The following ADRA1A variants were observed in gnomAD, a reference collection of about 807,000 sequenced individuals.
ADRA1A encodes the protein alpha-1A adrenergic receptor.
In ADRA1A, 31 loss-of-function variants were observed where a neutral mutation model predicts 29.6. The ratio of observed to expected loss-of-function variants is 1.05; its 90% CI spans 0.79 to 1.41. The LOEUF is 1.41. Ranked by LOEUF, ADRA1A falls within the 40% of genes most tolerant of loss-of-function variation. The pLI, the probability that ADRA1A is intolerant of heterozygous loss-of-function variation, is 0.00. For synonymous variants in ADRA1A, 311 were observed against 254.3 expected (o/e 1.22, Z -2.12); for missense variants, 619 against 601.1 (o/e 1.03, Z -0.31).
chr8:26,754,651 G>C (rs1805071711), downstream of ADRA1A, among the ~76,000 whole-genome samples: 1 of 152,098 alleles, frequency 6.6e-6, no homozygotes. Flanking sequence ...GCCAGGAAAT[G>C]TCACCGGGTT....
chr8:26,753,134 G>A (rs4732853), downstream of ADRA1A, among the ~76,000 whole-genome samples: 14,696 of 152,226 alleles, frequency 0.097, 839 homozygotes, highest in East Asian at 0.24. Context: ...AGGCTTTCAG[G>A]TTCTGAGCCC....
At chr8:26,817,206 T>A (rs1809831710) in intron 2 of ADRA1A, among the ~76,000 whole-genome samples, 2 of 152,036 alleles carry the variant, frequency 1.3e-5, no homozygotes, top group African/African-American at 4.8e-5. Flanking sequence ...GACAATTCAA[T>A]AAAAATAGAA....
chr8:26,779,771 G>A (rs61760545), intron 2 of ADRA1A, among the ~76,000 whole-genome samples: 16 of 152,276 alleles, frequency 1.1e-4, no homozygotes, highest in East Asian at 1.9e-4. Flanking sequence ...TGCATGAAGC[G>A]GGAATGGAAT....
chr8:26,764,537 T>C (rs1330801830), downstream of ADRA1A, among the ~76,000 whole-genome samples: 2 of 152,126 alleles, frequency 1.3e-5, no homozygotes, highest in African/African-American at 4.8e-5. Context: ...AGAAACACAG[T>C]GGACCTGGGA....
chr8:26,830,769 G>T (rs956013252), intron 2 of ADRA1A, among the ~76,000 whole-genome samples: 3 of 152,192 alleles, frequency 2.0e-5, no homozygotes, highest in Admixed American at 2.0e-4. Flanking sequence ...AGTTCTACCA[G>T]AGTGTCAACT....
intron 2 of ADRA1A, among the ~76,000 whole-genome samples, chr8:26,801,927 A>G (rs931283934): frequency 1.3e-5 from 2 of 152,210 alleles, no homozygotes; most frequent in Non-Finnish European, 2.9e-5. Context: ...TGAAGAACCC[A>G]GAAATAAATT....
At chr8:26,849,640 C>G (rs1009004624) in intron 2 of ADRA1A, among the ~76,000 whole-genome samples, 2 of 152,180 alleles carry the variant, frequency 1.3e-5, no homozygotes, top group African/African-American at 4.8e-5. Context: ...CAGTTTCAAA[C>G]AAAGCCCATT....
At chr8:26,785,864 T>C (rs1029342608) in intron 2 of ADRA1A, among the ~76,000 whole-genome samples, 1 of 152,214 alleles carries the variant, frequency 6.6e-6, no homozygotes, top group Non-Finnish European at 1.5e-5. Flanking sequence ...TCAGTCCTGA[T>C]GTCTTCTTGA....
intron 2 of ADRA1A, among the ~76,000 whole-genome samples, chr8:26,789,026 T>A (rs4361768): frequency 0.09 from 13,628 of 151,982 alleles, 904 homozygotes; most frequent in East Asian, 0.33. Context: ...GGTGGCCTGC[T>A]GCATGCACCA....
intron 2 of ADRA1A, among the ~76,000 whole-genome samples, chr8:26,801,734 GAAATA>G (rs1391449309): frequency 6.6e-6 from 1 of 151,756 alleles, no homozygotes; most frequent in Non-Finnish European, 1.5e-5. Flanking sequence ...AAATACCAAT[GAAATA>G]AAATAAATAA....
chr8:26,755,667 C>G (rs1161210751), downstream of ADRA1A, among the ~76,000 whole-genome samples: 1 of 152,210 alleles, frequency 6.6e-6, no homozygotes, highest in Non-Finnish European at 1.5e-5. Context: ...AAGCCTAACT[C>G]TGCAGCCGGC....
At chr8:26,798,003 G>A (rs1393255922) in intron 2 of ADRA1A, among the ~76,000 whole-genome samples, 1 of 146,170 alleles carries the variant, frequency 6.8e-6, no homozygotes, top group African/African-American at 2.7e-5. Flanking sequence ...TTTTTGGGAT[G>A]GAATCTCACT....
At chr8:26,751,591 A>G (rs1007561066), downstream of ADRA1A, among the ~76,000 whole-genome samples, 5 of 152,226 alleles carry the variant, frequency 3.3e-5, no homozygotes, top group African/African-American at 9.7e-5. Context: ...GTGCTATGTA[A>G]TGACCAAAAA....
At chr8:26,812,579 C>T (rs1177809343) in intron 2 of ADRA1A, among the ~76,000 whole-genome samples, 1 of 151,848 alleles carries the variant, frequency 6.6e-6, no homozygotes, top group Non-Finnish European at 1.5e-5. Context: ...GAGCATCTTT[C>T]TTGTGAAGCC....
chr8:26,842,213 A>G (rs1362007761), intron 2 of ADRA1A, among the ~76,000 whole-genome samples: 2 of 152,204 alleles, frequency 1.3e-5, no homozygotes, highest in Admixed American at 1.3e-4. Flanking sequence ...CTTGAAATGC[A>G]GTTAGCCTGA....
At chr8:26,855,146 T>C (rs754249971) in intron 2 of ADRA1A, among the ~76,000 whole-genome samples, 1 of 152,154 alleles carries the variant, frequency 6.6e-6, no homozygotes, top group Non-Finnish European at 1.5e-5. Context: ...AGACTGAATA[T>C]GCAAAGATGA....
chr8:26,850,524 G>A (rs1812552358), intron 2 of ADRA1A, among the ~76,000 whole-genome samples: 1 of 152,216 alleles, frequency 6.6e-6, no homozygotes, highest in Non-Finnish European at 1.5e-5. Context: ...GAGACAAAGT[G>A]TTGCTCTGTT....
rs61760524 is a variant in ADRA1A, at chr8:26,773,299, T to C, written c.884-2633A>G. Among the ~76,000 whole-genome samples, 122 of 152,298 alleles carry C rather than the reference T, an allele frequency of 8.0e-4. 2 individuals carry two copies. In the Middle Eastern group the frequency reaches 0.017, roughly 21 times the overall value. ...GCTGGGGGAAGCTGAATTGGAAAAA[T>C]GCTTTTTCGAACCTCATCTGTGATG... On this transcript the variant is annotated intron_variant, in intron 2 of 2. Coordinates refer to ENST00000380573, the MANE Select transcript of ADRA1A (RefSeq NM_000680.4).
At position 26,770,197 on chromosome 8, in the gene ADRA1A, G is replaced by A. The variant is rs773895990; in HGVS notation, c.1353C>T (p.Thr451=). ...PSLDKNHQVP[T]IKVHTISLSE... is the part of the protein sequence containing the mutation. ...TGAGGGAGATGGTGTGGACCTTAAT[G>A]GTTGGAACTTGATGGTTCTTGTCAA... Residue 451 remains threonine (T), a synonymous_variant, in exon 3 of 3, where the codon ACC becomes ACT. Transcript: ENST00000380573. The A allele has an allele frequency of 1.1e-5, 17 of 1,594,952 alleles. No individual in the cohort carries two copies. Among genetic ancestry groups the A allele is most frequent in the Non-Finnish European group, 1.4e-5 (16 of 1,169,776 alleles).
Sources: allele counts gnomAD v4.1 joint callset (sites outside exome capture counted in the v4.1 genomes callset), GRCh38; gene constraint gnomAD v4.1.1; transcripts MANE v1.5; gene names NCBI Gene and HGNC (gene_info 2026-07-23, HGNC 2026-07-21).